Variants in CDC42SE2 observed in about 807,000 individuals in gnomAD.
The protein encoded by CDC42SE2 is CDC42 small effector 2.
In CDC42SE2, 3 loss-of-function variants were observed where a neutral mutation model predicts 11.5. That is an observed-to-expected ratio of 0.26 (90% CI 0.12 to 0.67). The LOEUF (loss-of-function observed/expected upper bound fraction) is 0.67, where lower values mean the gene tolerates loss of function less well. Ranked by LOEUF, CDC42SE2 falls within the 30% of genes least tolerant of loss-of-function variation. The pLI, the probability that CDC42SE2 is intolerant of heterozygous loss-of-function variation, is 0.80. For missense variants in CDC42SE2, 82 were observed against 106.8 expected, an observed-to-expected ratio of 0.77 and a Z score of 1.02; for synonymous variants, 33 against 34.8, an observed-to-expected ratio of 0.95 and a Z score of 0.18.
chr5:131,352,208 G>C (rs1749359606), intron 2 of CDC42SE2, among the ~76,000 whole-genome samples: 1 of 152,112 alleles, frequency 6.6e-6, no homozygotes, highest in Non-Finnish European at 1.5e-5. Flanking sequence ...TTAGAAAACT[G>C]GTGGGTAGTT....
intron 2 of CDC42SE2, among the ~76,000 whole-genome samples, chr5:131,318,433 C>T (rs1206463469): frequency 1.3e-5 from 2 of 151,998 alleles, no homozygotes; most frequent in East Asian, 1.9e-4. Flanking sequence ...CAGGCATGCA[C>T]CTTAAGCTAG....
chr5:131,248,804 G>T lies in CDC42SE2; in HGVS notation n.107+3205G>T, dbSNP rs868198545. ...ATTATAAAACGTTGTTAAGAAACAC[G>T]AAAAAGTTCTGAATAAATGGAGAGC... On this transcript the variant is annotated intron_variant and non_coding_transcript_variant, in intron 1 of 3. Coordinates refer to the CDC42SE2 transcript ENST00000502840. 2.0e-5 allele frequency among the ~76,000 whole-genome samples: 3 copies of T among 152,116 alleles called. No homozygotes were observed. In the South Asian group the frequency reaches 6.2e-4, roughly 32 times the overall value.
intron 1 of CDC42SE2, among the ~76,000 whole-genome samples, chr5:131,286,966 A>G (rs543450910): frequency 3.6e-4 from 55 of 151,964 alleles, no homozygotes; most frequent in African/African-American, 1.3e-3. Context: ...TGTGTAGTTC[A>G]TGGGTCAACT....
the CDC42SE2 span, among the ~76,000 whole-genome samples, chr5:131,221,513 A>G: frequency 7.2e-5 from 11 of 152,066 alleles, no homozygotes; most frequent in African/African-American, 2.2e-4. Flanking sequence ...GCTACTATAC[A>G]AAATACCAAA....
chr5:131,372,729 TCAGA>T (rs1254694670), intron 3 of CDC42SE2, among the ~76,000 whole-genome samples: 1 of 151,392 alleles, frequency 6.6e-6, no homozygotes, highest in African/African-American at 2.4e-5. Flanking sequence ...AAAAAAAATG[TCAGA>T]CAGATCCGGA....
chr5:131,393,817 G>GTTTTTTTT lies in CDC42SE2; in HGVS notation c.*2745_*2752dup, dbSNP rs71000990. 1 of 118,706 alleles carries GTTTTTTTT rather than the reference G, an allele frequency of 8.4e-6. No individual in the cohort carries two copies. The highest frequency in any genetic ancestry group is 1.7e-5 in the Non-Finnish European group (1 of 58,190). The allele number at this position is 118,706 out of a possible 1,614,324, so 7.4% of individuals were successfully genotyped here. A position where few individuals can be genotyped will look rare whatever the true frequency, so the allele number is the denominator to read the frequency against. ...GATTTTAGTCTTTTTCCAAATCGCT[G>GTTTTTTTT]TTTTTTTTTTTTTTTTTTTTTTTTT... On this transcript the variant is annotated 3_prime_UTR_variant, in exon 5 of 5. Transcript: ENST00000505065.
At chr5:131,321,803 A>C (rs1169101397) in intron 2 of CDC42SE2, among the ~76,000 whole-genome samples, 1 of 152,034 alleles carries the variant, frequency 6.6e-6, no homozygotes. Context: ...ATTTGTTAGA[A>C]TCTCCAAGGG....
At chr5:131,292,906 C>CAAAAAAAAA (rs869300653) in intron 1 of CDC42SE2, among the ~76,000 whole-genome samples, 14 of 58,896 alleles carry the variant, frequency 2.4e-4, no homozygotes, top group African/African-American at 1.2e-3. Flanking sequence ...GACCCTGTCT[C>CAAAAAAAAA]AAAAAAAAAA....
At chr5:131,379,500 A>C (rs556384011) in intron 3 of CDC42SE2, among the ~76,000 whole-genome samples, 4 of 152,360 alleles carry the variant, frequency 2.6e-5, no homozygotes, top group Non-Finnish European at 5.9e-5. Flanking sequence ...TATTGTTTAG[A>C]TAAGGATGCA....
At position 131,391,089 on chromosome 5, in the gene CDC42SE2, T is replaced by A; in HGVS notation, c.253T>A (p.Ter85LysextTer7). 6.2e-7 allele frequency: 1 copy of A among 1,611,240 alleles called. No individual in the cohort carries two copies. The highest frequency in any genetic ancestry group is 8.5e-7 in the Non-Finnish European group (1 of 1,178,040). The change falls in exon 5 of 5, where the codon TAG (stop) becomes AAG (lysine). Residue 85 changes from the stop codon to lysine, a stop_lost. Transcript: ENST00000505065. ...QMQLVDTKAG[*>K] ...GCAGCTCGTGGATACGAAGGCGGGA[T>A]AGCCCTGGTCCTTTCTCCAGTGAGT... is the stretch of plus-strand genomic sequence containing the variant.
chr5:131,290,351 A>G (rs1261864455), intron 1 of CDC42SE2, among the ~76,000 whole-genome samples: 1 of 152,092 alleles, frequency 6.6e-6, no homozygotes, highest in Non-Finnish European at 1.5e-5. Context: ...AGTTAAGGGA[A>G]CAGCTTATCT....
chr5:131,297,308 A>G (rs958775356), intron 1 of CDC42SE2, among the ~76,000 whole-genome samples: 4 of 152,082 alleles, frequency 2.6e-5, no homozygotes, highest in Admixed American at 2.6e-4. Context: ...TCTTGTACCC[A>G]TAACTGTTAT....
At chr5:131,217,137 C>T in the CDC42SE2 span, among the ~76,000 whole-genome samples, 1 of 152,168 alleles carries the variant, frequency 6.6e-6, no homozygotes, top group East Asian at 1.9e-4. Flanking sequence ...TCTAGTCTTC[C>T]ACCTGTTTTT....
upstream of CDC42SE2, among the ~76,000 whole-genome samples, chr5:131,261,880 C>T: frequency 6.8e-6 from 1 of 147,266 alleles, no homozygotes. Context: ...AAAAAAGTGT[C>T]ATTCAACTGA....
intron 1 of CDC42SE2, among the ~76,000 whole-genome samples, chr5:131,312,789 CTACTTTGGCTTGCAAACGG>C (rs1330895162): frequency 1.3e-5 from 2 of 152,172 alleles, no homozygotes; most frequent in Non-Finnish European, 2.9e-5. Flanking sequence ...ATGCCTCGCC[CTACTTTGGCTTGCAAACGG>C]TGTGCGCACC....
At chr5:131,380,128 T>C (rs936836394) in intron 3 of CDC42SE2, among the ~76,000 whole-genome samples, 2 of 152,034 alleles carry the variant, frequency 1.3e-5, no homozygotes. Context: ...TAATTTTCCA[T>C]AGTTATTGGG....
chr5:131,336,690 A>T (rs1044157118), intron 2 of CDC42SE2, among the ~76,000 whole-genome samples: 7 of 152,002 alleles, frequency 4.6e-5, no homozygotes, highest in African/African-American at 1.7e-4. Context: ...TTTTTTCTCT[A>T]AACTTCTCCT....
rs1750781655 is a variant in CDC42SE2 at position 131,394,223 on chromosome 5, T to A, written c.*3132T>A. The A allele has an allele frequency of 6.6e-6, 1 of 152,374 alleles. No homozygotes were observed. Among genetic ancestry groups the A allele is most frequent in the Non-Finnish European group, 1.5e-5 (1 of 68,044 alleles). 9.4% of individuals were successfully genotyped at this position (152,374 alleles called of 1,614,324 possible). ...TGTTAATCTTTGCTGAAATATATGCTAACAAATGTTAAGCAAGGGAAACTG... is the reference window on the plus strand; with the variant it reads ...TGTTAATCTTTGCTGAAATATATGCAAACAAATGTTAAGCAAGGGAAACTG... On this transcript the variant is annotated 3_prime_UTR_variant, in exon 5 of 5. Coordinates refer to ENST00000505065, the MANE Select transcript of CDC42SE2 (RefSeq NM_001375635.1).
At chr5:131,226,121 A>T in the CDC42SE2 span, among the ~76,000 whole-genome samples, 2,583 of 152,274 alleles carry the variant, frequency 0.017, 76 homozygotes, top group African/African-American at 0.059. Flanking sequence ...CAAAGACAGG[A>T]TGGGTATGGT....
Sources: allele counts gnomAD v4.1 joint callset (sites outside exome capture counted in the v4.1 genomes callset), GRCh38; gene constraint gnomAD v4.1.1; transcripts MANE v1.5; gene names NCBI Gene and HGNC (gene_info 2026-07-23, HGNC 2026-07-21).